The following DYNC1I2 variants were observed in gnomAD, a reference collection of about 807,000 sequenced individuals.
DYNC1I2 encodes cytoplasmic dynein 1 intermediate chain 2.
Under a neutral mutation model 88.6 loss-of-function variants are expected in DYNC1I2, and 53 were observed. The observed-to-expected ratio is 0.60, with a 90% CI of 0.48 to 0.75. DYNC1I2 has a LOEUF of 0.75. Ranked by LOEUF, DYNC1I2 falls within the 30% of genes least tolerant of loss-of-function variation. The probability of loss-of-function intolerance (pLI) is 0.00; values close to 1 mark genes in which losing one functional copy is unlikely to be tolerated. For synonymous variants in DYNC1I2, 198 were observed against 254.6 expected, an observed-to-expected ratio of 0.78 and a Z score of 2.12; for missense variants, 458 against 766.6, an observed-to-expected ratio of 0.60 and a Z score of 4.75.
At chr2:171,705,572 G>A (rs1173081266) in intron 3 of DYNC1I2, among the ~76,000 whole-genome samples, 1 of 152,026 alleles carries the variant, frequency 6.6e-6, no homozygotes, top group Non-Finnish European at 1.5e-5. Flanking sequence ...CAGCACAGTA[G>A]GCAAACAACT....
Position 171,704,332 on chromosome 2 carries a change from C to CT in DYNC1I2, c.227-2202dup, listed in dbSNP as rs564852352. The stretch of plus-strand genomic sequence containing the variant: ...ATGATCAGTGACTGCCATGGTTTAG[C>CT]TTTTTTTTTTTTTCTTTTTTTTTTT... On this transcript the variant is annotated intron_variant, in intron 3 of 17. Coordinates refer to ENST00000397119, the MANE Select transcript of DYNC1I2 (RefSeq NM_001378.3). Among the ~76,000 whole-genome samples the CT allele has an allele frequency of 2.8e-3, 385 of 139,374 alleles. No individual in the cohort carries two copies. In the Middle Eastern group the frequency reaches 0.036, roughly 13 times the overall value. 91.4% of individuals were successfully genotyped at this position (139,374 alleles called of 152,430 possible). A position where few individuals can be genotyped will look rare whatever the true frequency, so the allele number is the denominator to read the frequency against.
intron 11 of DYNC1I2, 45 bp downstream of exon 11, chr2:171,726,961 A>G: frequency 6.6e-7 from 1 of 1,513,466 alleles, no homozygotes; most frequent in Non-Finnish European, 8.8e-7. Flanking sequence ...TTAAGAATTC[A>G]TTGATGAATT....
Position 171,729,809 on chromosome 2 carries a change from G to A in DYNC1I2, c.1492G>A (p.Val498Ile), listed in dbSNP as rs1347009654. 2 of 1,613,586 alleles carry A rather than the reference G, an allele frequency of 1.2e-6. No individual in the cohort carries two copies. The highest frequency in any genetic ancestry group is 8.5e-7 in the Non-Finnish European group (1 of 1,179,728). The change falls in exon 15 of 18, where the codon GTC (valine) becomes ATC (isoleucine). Residue 498 changes from valine (V) to isoleucine (I), a missense_variant. Around this residue, in one of 5 missense-constraint regions of DYNC1I2, gnomAD observed 188 missense variants for 300.4 expected, o/e 0.63. Transcript: ENST00000397119. Reference protein sequence around the residue: ...VGAVDFSHLFVTSSFDWTVKL... With the variant: ...VGAVDFSHLFITSSFDWTVKL... ...AGCAGTAGACTTCTCACATCTTTTT[G>A]TCACTTCATCGTTTGACTGGACAGT...
At chr2:171,733,459 CTTTTTTTTTTTTTTTTT>C (rs61079902) in intron 15 of DYNC1I2, among the ~76,000 whole-genome samples, 1 of 55,774 alleles carries the variant, frequency 1.8e-5, no homozygotes, top group Non-Finnish European at 3.2e-5. Flanking sequence ...TTGCCAGCAT[CTTTTTTTTTTTTTTTTT>C]TTTTTTTTTT....
chr2:171,714,267 T>G (rs1687329679), intron 6 of DYNC1I2, among the ~76,000 whole-genome samples: 1 of 152,040 alleles, frequency 6.6e-6, no homozygotes, highest in African/African-American at 2.4e-5. Context: ...TTTGGAACAT[T>G]AATTTTTAAA....
chr2:171,745,735 T>G, intron 16 of DYNC1I2, 67 bp from the exon 17 acceptor site: 1 of 1,482,028 alleles, frequency 6.7e-7, no homozygotes, highest in Non-Finnish European at 9.1e-7. Flanking sequence ...GAAGAATTAC[T>G]GTTTTACATG....
chr2:171,702,006 AAAAC>A (rs1165786287), intron 3 of DYNC1I2, among the ~76,000 whole-genome samples: 1 of 152,236 alleles, frequency 6.6e-6, no homozygotes, highest in African/African-American at 2.4e-5. Context: ...TATGCTTTGA[AAAAC>A]AAGCCAAATG....
intron 15 of DYNC1I2, among the ~76,000 whole-genome samples, chr2:171,740,347 C>T (rs1457823647): frequency 6.6e-6 from 1 of 152,092 alleles, no homozygotes; most frequent in Non-Finnish European, 1.5e-5. Context: ...TCCCATATTC[C>T]ACAAAAGTAC....
chr2:171,693,319 G>A (rs531359023), intron 3 of DYNC1I2, among the ~76,000 whole-genome samples: 1 of 152,264 alleles, frequency 6.6e-6, no homozygotes, highest in African/African-American at 2.4e-5. Flanking sequence ...GTACAGGAGT[G>A]GAAGGATAAG....
chr2:171,699,656 T>C (rs1312515772), intron 3 of DYNC1I2, among the ~76,000 whole-genome samples: 1 of 148,974 alleles, frequency 6.7e-6, no homozygotes, highest in Non-Finnish European at 1.5e-5. Flanking sequence ...GGGTGCAGTT[T>C]AGAGACAGGG....
intron 1 of DYNC1I2, chr2:171,688,094 C>G (rs888941362): frequency 2.0e-5 from 3 of 152,268 alleles, no homozygotes; most frequent in Non-Finnish European, 2.9e-5. Flanking sequence ...TGAGGCTTGT[C>G]CGGCGCCCAC....
At chr2:171,721,198 A>C (rs1687881276) in intron 7 of DYNC1I2, among the ~76,000 whole-genome samples, 1 of 150,844 alleles carries the variant, frequency 6.6e-6, no homozygotes. Flanking sequence ...TAATTAAACT[A>C]TTAGTCTTTT....
intron 3 of DYNC1I2, among the ~76,000 whole-genome samples, chr2:171,694,059 G>A (rs1029694263): frequency 3.3e-4 from 49 of 147,498 alleles, no homozygotes; most frequent in Admixed American, 8.1e-4. Flanking sequence ...TTTTTTTGAG[G>A]CTGAGTCTCA....
At position 171,748,629 on chromosome 2, in the gene DYNC1I2, A is replaced by C. The variant is rs1339535542; in HGVS notation, c.*740A>C. On this transcript the variant is annotated 3_prime_UTR_variant, in exon 18 of 18. Transcript: ENST00000397119. ...ATCTGTTGGTGAAAAAATTTCCCCTAGGTTAACTTTTGCTTTACTACTTTA... is the reference window on the plus strand; with the variant it reads ...ATCTGTTGGTGAAAAAATTTCCCCTCGGTTAACTTTTGCTTTACTACTTTA... Among the ~76,000 whole-genome samples, 1 of 152,196 alleles carries C rather than the reference A, an allele frequency of 6.6e-6. No homozygotes were observed. The highest frequency in any genetic ancestry group is 2.4e-5 in the African/African-American group (1 of 41,458).
At chr2:171,717,376 A>G (rs1687580799) in intron 7 of DYNC1I2, among the ~76,000 whole-genome samples, 2 of 152,038 alleles carry the variant, frequency 1.3e-5, no homozygotes, top group South Asian at 4.1e-4. Flanking sequence ...CGGCCTCCCA[A>G]AGTGCTGGGA....
intron 7 of DYNC1I2, among the ~76,000 whole-genome samples, chr2:171,718,792 A>G (rs978603121): frequency 2.0e-5 from 3 of 152,080 alleles, no homozygotes; most frequent in African/African-American, 7.2e-5. Context: ...AGTGCCTACC[A>G]CTTATCAGGC....
At chr2:171,701,986 A>G (rs1443804174) in intron 3 of DYNC1I2, among the ~76,000 whole-genome samples, 2 of 152,242 alleles carry the variant, frequency 1.3e-5, no homozygotes, top group Non-Finnish European at 2.9e-5. Flanking sequence ...TGTAGGGAGC[A>G]GTAAATAAAT....
At chr2:171,693,132 A>G (rs1394702828) in intron 3 of DYNC1I2, 2 of 431,656 alleles carry the variant, frequency 4.6e-6, no homozygotes, top group East Asian at 4.7e-5. Context: ...GACTTCTCTT[A>G]TTAAATCAGT....
intron 7 of DYNC1I2, among the ~76,000 whole-genome samples, chr2:171,724,683 A>G (rs1169932754): frequency 1.3e-5 from 2 of 152,246 alleles, no homozygotes. Flanking sequence ...GGTTGTCATT[A>G]CTTGAACTGC....
Sources: allele counts gnomAD v4.1 joint callset (sites outside exome capture counted in the v4.1 genomes callset), GRCh38; gene constraint gnomAD v4.1.1; regional missense constraint gnomAD v4.1.1; transcripts MANE v1.5; gene names NCBI Gene and HGNC (gene_info 2026-07-23, HGNC 2026-07-21).